The following LAMA3 variants were observed in gnomAD, a reference collection of about 807,000 sequenced individuals.
LAMA3 encodes the protein laminin subunit alpha-3.
In LAMA3, 281 loss-of-function variants were observed where a neutral mutation model predicts 402.0. The observed-to-expected ratio is 0.70, with a 90% CI of 0.63 to 0.77. LAMA3 has a LOEUF of 0.77. Ranked by LOEUF, LAMA3 falls within the 30% of genes least tolerant of loss-of-function variation. The pLI is 0.00. For synonymous variants in LAMA3, 1,431 were observed against 1,558.4 expected (o/e 0.92, Z 1.93); for missense variants, 3,840 against 4,215.5 (o/e 0.91, Z 2.47).
At chr18:23,791,413 A>G (rs987933048) in intron 12 of LAMA3, among the ~76,000 whole-genome samples, 2 of 152,082 alleles carry the variant, frequency 1.3e-5, no homozygotes, top group African/African-American at 4.8e-5. Context: ...GGGGGGAAAA[A>G]TGATAGATAA....
chr18:23,761,080 A>T (rs1178375552), intron 7 of LAMA3, among the ~76,000 whole-genome samples: 3 of 152,116 alleles, frequency 2.0e-5, no homozygotes, highest in Non-Finnish European at 2.9e-5. Context: ...TACATACTTT[A>T]AATACTCAAG....
intron 32 of LAMA3, among the ~76,000 whole-genome samples, chr18:23,852,171 T>C (rs1035420982): frequency 6.6e-6 from 1 of 152,226 alleles, no homozygotes; most frequent in African/African-American, 2.4e-5. Context: ...GATGCTTTCC[T>C]AGTTGGCCTT....
At chr18:23,695,793 T>A (rs2060673275) in intron 1 of LAMA3, among the ~76,000 whole-genome samples, 1 of 53,392 alleles carries the variant, frequency 1.9e-5, no homozygotes, top group Non-Finnish European at 2.9e-5. Flanking sequence ...CAAGACTCCA[T>A]CTCAAAAAAA....
intron 2 of LAMA3, among the ~76,000 whole-genome samples, chr18:23,728,048 C>CTTCAGAGA (rs2061327982): frequency 6.6e-6 from 1 of 152,294 alleles, no homozygotes. Context: ...TGAACCTTTT[C>CTTCAGAGA]TTCAGAGCTT....
chr18:23,921,103 TTTAAAA>T, intron 61 of LAMA3, 49 bp downstream of exon 61: 1 of 1,601,182 alleles, frequency 6.2e-7, no homozygotes, highest in South Asian at 1.1e-5. Flanking sequence ...TCCTTAGTCC[TTTAAAA>T]TTAAGTCAGT....
At chr18:23,695,251 C>T (rs967623464) in intron 1 of LAMA3, among the ~76,000 whole-genome samples, 11 of 152,184 alleles carry the variant, frequency 7.2e-5, no homozygotes, top group African/African-American at 2.7e-4. Flanking sequence ...TTGTTCTAAG[C>T]CACCCATTTT....
Position 23,689,626 on chromosome 18 carries a change from G to C in LAMA3, c.-58G>C, listed in dbSNP as rs936566035. On this transcript the variant is annotated 5_prime_UTR_variant, in exon 1 of 75. Coordinates refer to ENST00000313654, the MANE Select transcript of LAMA3 (RefSeq NM_198129.4). ...GGTCCGGGAGGCGCAGGCGGAGAGC[G>C]GCGGTGCCCCCGAGCCCCTCTGCGG... is the stretch of plus-strand genomic sequence containing the variant. 14 of 1,233,998 alleles carry C rather than the reference G, an allele frequency of 1.1e-5. No individual in the cohort carries two copies. In the African/African-American group the frequency reaches 2.2e-4, roughly 19 times the overall value. The allele number at this position is 1,233,998 out of a possible 1,614,324, so 76.4% of individuals were successfully genotyped here. A position where few individuals can be genotyped will look rare whatever the true frequency, so the allele number is the denominator to read the frequency against.
intron 44 of LAMA3, among the ~76,000 whole-genome samples, chr18:23,896,532 T>C (rs2080880487): frequency 6.6e-6 from 1 of 152,170 alleles, no homozygotes; most frequent in African/African-American, 2.4e-5. Context: ...TGTGGTCCAT[T>C]TGGGTGAATG....
chr18:23,845,193 C>G, intron 30 of LAMA3, 69 bp downstream of exon 30: 1 of 911,426 alleles, frequency 1.1e-6, no homozygotes, highest in Non-Finnish European at 1.8e-6. Flanking sequence ...AGCTCGAGGC[C>G]CAGGGAGGGG....
chr18:23,782,949 C>G (rs1033986835), intron 11 of LAMA3, among the ~76,000 whole-genome samples: 1 of 152,186 alleles, frequency 6.6e-6, no homozygotes, highest in Non-Finnish European at 1.5e-5. Context: ...GTCCAGTCTG[C>G]TGGGTGATTT....
At chr18:23,882,368 G>A (rs1248038178) in intron 40 of LAMA3, among the ~76,000 whole-genome samples, 1 of 152,146 alleles carries the variant, frequency 6.6e-6, no homozygotes, top group African/African-American at 2.4e-5. Context: ...GGTGGCTCAT[G>A]CCTGTAATCC....
intron 1 of LAMA3, among the ~76,000 whole-genome samples, chr18:23,695,869 G>A (rs1168160605): frequency 7.0e-6 from 1 of 141,922 alleles, no homozygotes; most frequent in African/African-American, 2.6e-5. Flanking sequence ...GCAGTAAGCT[G>A]TGTTGTGTGT....
intron 61 of LAMA3, 30 bp downstream of exon 61, chr18:23,921,084 C>T (rs371670267): frequency 4.3e-6 from 7 of 1,611,258 alleles, no homozygotes; most frequent in African/African-American, 2.7e-5. Context: ...TTACTTGAAT[C>T]GTTAAATGTC....
chr18:23,899,523 C>A, intron 47 of LAMA3, 68 bp downstream of exon 47: 1 of 1,479,320 alleles, frequency 6.8e-7, no homozygotes, highest in Non-Finnish European at 9.4e-7. Flanking sequence ...GTGCAGAGTG[C>A]AATGTAGAGT....
intron 8 of LAMA3, among the ~76,000 whole-genome samples, chr18:23,772,718 T>G (rs1303500257): frequency 6.6e-6 from 1 of 152,252 alleles, no homozygotes; most frequent in Admixed American, 6.5e-5. Context: ...GACTTTTGTG[T>G]GGGTCAAATT....
In LAMA3 at chr18:23,813,056, G is replaced by A. The variant is rs778808869; in HGVS notation, c.1742-1G>A. Reference sequence around the variant, plus strand: ...TTTAAAAATTTCTGAATCATATTCAGGTTCCAGCAGTGCTTGTGACCCAGC... The same window carrying A: ...TTTAAAAATTTCTGAATCATATTCAAGTTCCAGCAGTGCTTGTGACCCAGC... On this transcript the variant is annotated splice_acceptor_variant, in intron 13 of 74. Coordinates refer to ENST00000313654, the MANE Select transcript of LAMA3 (RefSeq NM_198129.4). LOFTEE classifies it high-confidence loss of function. The A allele has an allele frequency of 1.2e-6, 2 of 1,603,070 alleles. No homozygotes were observed. Among genetic ancestry groups the A allele is most frequent in the Non-Finnish European group, 1.7e-6 (2 of 1,170,142 alleles).
chr18:23,802,698 A>C (rs2062888069), intron 12 of LAMA3, among the ~76,000 whole-genome samples: 1 of 152,124 alleles, frequency 6.6e-6, no homozygotes, highest in African/African-American at 2.4e-5. Context: ...CGACCACCAG[A>C]GCAGAAGGCA....
At chr18:23,828,796 G>A (rs540437702) in intron 23 of LAMA3, among the ~76,000 whole-genome samples, 1 of 152,154 alleles carries the variant, frequency 6.6e-6, no homozygotes, top group Admixed American at 6.5e-5. Context: ...AAATTATCCA[G>A]CTTATTGATT....
At chr18:23,946,480 C>A in intron 70 of LAMA3, 196 bp downstream of exon 70, 1 of 651,092 alleles carries the variant, frequency 1.5e-6, no homozygotes, top group Non-Finnish European at 2.6e-6. Flanking sequence ...TTCTAAGGTG[C>A]AGGTTGAGAC....
Sources: gnomAD v4.1 joint callset for allele counts (sites outside exome capture counted in the v4.1 genomes callset) on GRCh38, gnomAD v4.1.1 for gene constraint, MANE v1.5 for transcripts, NCBI Gene and HGNC (gene_info 2026-07-23, HGNC 2026-07-21) for gene names.